The following GLG1 variants were observed in gnomAD, a reference collection of about 807,000 sequenced individuals.
GLG1 encodes the protein Golgi apparatus protein 1.
A neutral mutation model predicts 160.5 loss-of-function variants in GLG1; 38 were observed. That is an observed-to-expected ratio of 0.24 (90% confidence interval 0.18 to 0.31). GLG1 has a LOEUF of 0.31. Among genes scored for constraint, GLG1 ranks in the 10% least tolerant of loss-of-function variants. The pLI is 1.00. For missense variants in GLG1, 1,373 were observed against 1,505.2 expected, an observed-to-expected ratio of 0.91 and a Z score of 1.45; for synonymous variants, 644 against 543.4, an observed-to-expected ratio of 1.19 and a Z score of -2.57.
At chr16:74,471,885 T>C (rs895476505) in intron 14 of GLG1, among the ~76,000 whole-genome samples, 4 of 146,704 alleles carry the variant, frequency 2.7e-5, no homozygotes, top group African/African-American at 1.0e-4. Flanking sequence ...TCCAGGATGG[T>C]AGCATCTCTC....
At chr16:74,504,673 G>A (rs181531733) in intron 3 of GLG1, among the ~76,000 whole-genome samples, 2 of 152,156 alleles carry the variant, frequency 1.3e-5, no homozygotes, top group Non-Finnish European at 2.9e-5. Context: ...AAACTTAACC[G>A]CTGTGGTCTG....
At position 74,485,801 on chromosome 16, in the gene GLG1, G is replaced by T. The variant is rs761448111; in HGVS notation, c.1566C>A (p.Asp522Glu). Residue 522 changes from aspartate (D) to glutamate (E), a missense_variant, in exon 9 of 26, where the codon GAC becomes GAA. Physicochemically the swap from Asp to Glu is conservative, Grantham distance 45. Around this residue, in one of 4 missense-constraint regions of GLG1, gnomAD observed 386 missense variants for 388.5 expected, o/e 0.99. Transcript: ENST00000422840. ...QTACKHIRSGDPMILSCLMEH... is the reference protein window; with the variant it reads ...QTACKHIRSGEPMILSCLMEH... ...CCATGGAGAAGATAACTTACATTGG[G>T]TCTCCAGATCTTATATGTTTGCAGG... is the stretch of plus-strand genomic sequence containing the variant. 5.0e-6 allele frequency: 8 copies of T among 1,612,144 alleles called. No homozygotes were observed. Among genetic ancestry groups the T allele is most frequent in the Non-Finnish European group, 5.9e-6 (7 of 1,178,774 alleles).
In GLG1 at chr16:74,452,012, CA is replaced by C. The variant is rs2014328579; in HGVS notation, c.*1154del. On this transcript the variant is annotated 3_prime_UTR_variant, in exon 26 of 26. Coordinates refer to ENST00000422840, the MANE Select transcript of GLG1 (RefSeq NM_001145667.2). Reference sequence around the variant, plus strand: ...TCCACACCCTCTCCACGTAGAGGCACAAAGGAGCTTGTCTGGGAAGTTTGTC... The same window carrying C: ...TCCACACCCTCTCCACGTAGAGGCACAAGGAGCTTGTCTGGGAAGTTTGTC... The C allele has an allele frequency of 7.2e-7, 1 of 1,387,284 alleles. No homozygotes were observed. Among genetic ancestry groups the C allele is most frequent in the Non-Finnish European group, 1.0e-6 (1 of 972,982 alleles). 85.9% of individuals were successfully genotyped at this position (1,387,284 alleles called of 1,614,324 possible).
rs553483350 is a variant in GLG1, at chr16:74,506,780, T to C, written c.558+2059A>G. 1.9e-3 allele frequency among the ~76,000 whole-genome samples: 290 copies of C among 152,260 alleles called. 3 individuals are homozygous for C. Among genetic ancestry groups the C allele is most frequent in the Non-Finnish European group, 2.2e-3 (150 of 68,030 alleles). On this transcript the variant is annotated intron_variant, in intron 3 of 25. Transcript: ENST00000422840. ...TTAGAATGAGAAGTTTGCATGTTTC[T>C]TCATTCTGCTGGATAGCACTTTTTC... is the stretch of plus-strand genomic sequence containing the variant.
chr16:74,564,258 G>C (rs2018590048), intron 1 of GLG1, among the ~76,000 whole-genome samples: 1 of 152,186 alleles, frequency 6.6e-6, no homozygotes, highest in Non-Finnish European at 1.5e-5. Flanking sequence ...GAATATACTG[G>C]ATATTACAGA....
At chr16:74,508,228 G>A (rs1597284657) in intron 3 of GLG1, among the ~76,000 whole-genome samples, 1 of 150,620 alleles carries the variant, frequency 6.6e-6, no homozygotes, top group South Asian at 2.1e-4. Context: ...TAATTCTGGG[G>A]TGGAAAAATA....
At chr16:74,542,702 G>GACGA (rs2017909943) in intron 1 of GLG1, among the ~76,000 whole-genome samples, 1 of 61,730 alleles carries the variant, frequency 1.6e-5, no homozygotes, top group Non-Finnish European at 2.9e-5. Context: ...AGGAGGGAGG[G>GACGA]AGGAAGGGAA....
At chr16:74,527,353 G>T (rs1478846346) in intron 2 of GLG1, among the ~76,000 whole-genome samples, 1 of 145,294 alleles carries the variant, frequency 6.9e-6, no homozygotes, top group Non-Finnish European at 1.5e-5. Context: ...AGATTCAAGT[G>T]ATTCTCACGC....
chr16:74,549,704 G>A (rs1389545534), intron 1 of GLG1, among the ~76,000 whole-genome samples: 3 of 151,738 alleles, frequency 2.0e-5, no homozygotes, highest in Non-Finnish European at 4.4e-5. Flanking sequence ...TTTATTTTCA[G>A]GAGAATTTGC....
intron 1 of GLG1, among the ~76,000 whole-genome samples, chr16:74,534,913 T>C (rs897329592): frequency 2.6e-5 from 4 of 152,180 alleles, no homozygotes; most frequent in Non-Finnish European, 5.9e-5. Context: ...TAATATAATA[T>C]AGGCCACTGA....
chr16:74,495,586 G>T (rs2016155714), intron 5 of GLG1, among the ~76,000 whole-genome samples: 1 of 152,190 alleles, frequency 6.6e-6, no homozygotes, highest in African/African-American at 2.4e-5. Flanking sequence ...AGACTTAGAA[G>T]GCTGTTCTGT....
intron 25 of GLG1, among the ~76,000 whole-genome samples, chr16:74,456,067 G>T (rs2014524252): frequency 6.6e-6 from 1 of 152,186 alleles, no homozygotes; most frequent in South Asian, 2.1e-4. Context: ...CAGACCAGAT[G>T]AGTACTGGCC....
chr16:74,491,395 C>T (rs899762510), intron 7 of GLG1, among the ~76,000 whole-genome samples, 180 bp from the exon 8 acceptor site: 1 of 152,138 alleles, frequency 6.6e-6, no homozygotes, highest in East Asian at 1.9e-4. Flanking sequence ...GCTTAGACTC[C>T]AGATATTCAG....
chr16:74,530,106 C>T (rs2017484612), intron 2 of GLG1, among the ~76,000 whole-genome samples: 1 of 152,048 alleles, frequency 6.6e-6, no homozygotes, highest in East Asian at 1.9e-4. Flanking sequence ...GCCCGGCTGG[C>T]TCTTTGAGAG....
At chr16:74,469,940 G>C in intron 16 of GLG1, 45 bp downstream of exon 16, 1 of 1,217,202 alleles carries the variant, frequency 8.2e-7, no homozygotes, top group Non-Finnish European at 1.2e-6. Flanking sequence ...CCGGAGCTAA[G>C]AGGAACTTCG....
rs1055536837 is a variant in GLG1 at position 74,450,966 on chromosome 16, A to G, written c.*2201T>C. ...AAAGAACAGAAATATCAACACAATT[A>G]GAACTATAAGGGTGTTTACGCATAC... is the stretch of plus-strand genomic sequence containing the variant. On this transcript the variant is annotated 3_prime_UTR_variant, in exon 26 of 26. Transcript: ENST00000422840. The G allele has an allele frequency of 2.6e-5, 4 of 152,218 alleles. No homozygotes were observed. The highest frequency in any genetic ancestry group is 6.5e-5 in the Admixed American group (1 of 15,282). 9.4% of individuals were successfully genotyped at this position (152,218 alleles called of 1,614,324 possible). A position where few individuals can be genotyped will look rare whatever the true frequency, so the allele number is the denominator to read the frequency against.
intron 8 of GLG1, among the ~76,000 whole-genome samples, chr16:74,487,459 C>T (rs1342811760): frequency 6.6e-6 from 1 of 151,954 alleles, no homozygotes; most frequent in African/African-American, 2.4e-5. Context: ...CTTCTATTAT[C>T]CTGAAAGAAG....
chr16:74,593,704 G>C (rs1958237939), intron 1 of GLG1, among the ~76,000 whole-genome samples: 1 of 151,880 alleles, frequency 6.6e-6, no homozygotes, highest in Admixed American at 6.6e-5. Flanking sequence ...CAAAGTGCTG[G>C]GATTACAGGT....
chr16:74,453,624 G>T (rs142102000), intron 25 of GLG1, among the ~76,000 whole-genome samples: 8 of 152,030 alleles, frequency 5.3e-5, no homozygotes, highest in African/African-American at 1.9e-4. Context: ...AAGATGTGTC[G>T]GGCCCTGGAC....
Sources: allele counts gnomAD v4.1 joint callset (sites outside exome capture counted in the v4.1 genomes callset), GRCh38; gene constraint gnomAD v4.1.1; regional missense constraint gnomAD v4.1.1; transcripts MANE v1.5; gene names NCBI Gene and HGNC (gene_info 2026-07-23, HGNC 2026-07-21).